The following CTNNA2 variants were observed in gnomAD, a reference collection of about 807,000 sequenced individuals.
CTNNA2 encodes the protein catenin alpha-2.
In CTNNA2, 42 loss-of-function variants were observed where a neutral mutation model predicts 101.0. The observed-to-expected ratio is 0.42, with a 90% CI of 0.32 to 0.54. CTNNA2 has a LOEUF of 0.54. CTNNA2 is among the 20% of genes least tolerant of loss of function. CTNNA2 has a pLI of 0.14. For synonymous variants in CTNNA2, 450 were observed against 456.4 expected (o/e 0.99, Z 0.18); for missense variants, 871 against 1,223.1 (o/e 0.71, Z 4.29).
At chr2:79,826,990 A>G (rs1054473223) in intron 3 of CTNNA2, among the ~76,000 whole-genome samples, 3 of 152,134 alleles carry the variant, frequency 2.0e-5, no homozygotes, top group Non-Finnish European at 4.4e-5. Context: ...TTTTTCAAGG[A>G]AATTATATTT....
intron 2 of CTNNA2, among the ~76,000 whole-genome samples, chr2:79,231,279 C>T (rs1232052372): frequency 3.9e-5 from 6 of 152,112 alleles, no homozygotes; most frequent in African/African-American, 7.2e-5. Context: ...ATCATGGAGG[C>T]GGGTCCTTCC....
In CTNNA2 at chr2:80,410,018, T is replaced by C. The variant is rs1190405773; in HGVS notation, c.1138-9431T>C. On this transcript the variant is annotated intron_variant, in intron 8 of 18. Coordinates refer to ENST00000402739, the MANE Select transcript of CTNNA2 (RefSeq NM_001282597.3). Reference sequence around the variant, plus strand: ...GAGGCACACAGCCTTCAAAGTCTTATGCAAGTGTGAGCTTCTGCAAAACTA... The same window carrying C: ...GAGGCACACAGCCTTCAAAGTCTTACGCAAGTGTGAGCTTCTGCAAAACTA... Among the ~76,000 whole-genome samples the C allele has an allele frequency of 3.9e-5, 6 of 152,250 alleles. No homozygotes were observed. The East Asian group carries it at 1.2e-3, about 29-fold the overall frequency.
Position 80,647,659 on chromosome 2 carries a change from C to G in CTNNA2, c.2649C>G (p.Ser883=), listed in dbSNP as rs752376553. The G allele has an allele frequency of 6.2e-7, 1 of 1,613,242 alleles. No homozygotes were observed. The highest frequency in any genetic ancestry group is 1.7e-5 in the Admixed American group (1 of 59,968). ...MNAVVLTVKA[S]YVASTKYQKV... is the part of the protein sequence containing the mutation. ...CTGTTGTCCTCACGGTGAAAGCATC[C>G]TATGTGGCCTCAACCAAATACCAGA... The change falls in exon 19 of 19, where the codon TCC becomes TCG. Residue 883 remains serine, a synonymous_variant. Coordinates refer to ENST00000402739, the MANE Select transcript of CTNNA2 (RefSeq NM_001282597.3).
intron 2 of CTNNA2, among the ~76,000 whole-genome samples, chr2:79,659,963 A>T (rs1228696861): frequency 2.0e-5 from 3 of 152,206 alleles, no homozygotes; most frequent in Admixed American, 6.5e-5. Context: ...AGTGCACTCC[A>T]GCCTGAGCAA....
chr2:80,611,610 G>C (rs530173571), intron 17 of CTNNA2, among the ~76,000 whole-genome samples: 1 of 151,618 alleles, frequency 6.6e-6, no homozygotes, highest in South Asian at 2.1e-4. Context: ...CACCTTTAAA[G>C]TTAAAAATGG....
chr2:80,526,000 T>A lies in CTNNA2; in HGVS notation c.1291-18982T>A, dbSNP rs528282155. Among the ~76,000 whole-genome samples, 4 of 152,334 alleles carry A rather than the reference T, an allele frequency of 2.6e-5. No homozygotes were observed. In the South Asian group the frequency reaches 8.3e-4, roughly 32 times the overall value. Reference sequence around the variant, plus strand: ...AACCACAGTTACTTTTGCACCAACCTAATACTCTCTTAGCTTCTGGTTATT... The same window carrying A: ...AACCACAGTTACTTTTGCACCAACCAAATACTCTCTTAGCTTCTGGTTATT... On this transcript the variant is annotated intron_variant, in intron 9 of 18. Coordinates refer to ENST00000402739, the MANE Select transcript of CTNNA2 (RefSeq NM_001282597.3).
At chr2:79,443,691 T>C (rs984353254) in intron 4 of CTNNA2, among the ~76,000 whole-genome samples, 11 of 152,036 alleles carry the variant, frequency 7.2e-5, no homozygotes, top group African/African-American at 2.4e-4. Flanking sequence ...AGACTTATAA[T>C]ACATTTTAAG....
chr2:80,110,915 T>G, intron 7 of CTNNA2, among the ~76,000 whole-genome samples: 1 of 152,180 alleles, frequency 6.6e-6, no homozygotes, highest in East Asian at 1.9e-4. Flanking sequence ...AGGTAATTTA[T>G]AAAGGAAAGA....
At chr2:80,591,030 A>C (rs551563425) in intron 15 of CTNNA2, among the ~76,000 whole-genome samples, 2 of 152,304 alleles carry the variant, frequency 1.3e-5, no homozygotes, top group South Asian at 4.1e-4. Context: ...CACTTGAACA[A>C]ATAATCTCAG....
At chr2:79,425,628 C>A (rs1678584434) in intron 4 of CTNNA2, among the ~76,000 whole-genome samples, 1 of 152,108 alleles carries the variant, frequency 6.6e-6, no homozygotes, top group Admixed American at 6.6e-5. Flanking sequence ...GGCCTAATCA[C>A]TTCTTAAAAG....
chr2:79,330,932 A>G (rs1015057708), intron 3 of CTNNA2, among the ~76,000 whole-genome samples: 3 of 152,196 alleles, frequency 2.0e-5, no homozygotes, highest in African/African-American at 7.2e-5. Flanking sequence ...ACAATTATGG[A>G]GCCATGGGCT....
At chr2:79,417,849 G>T (rs1678499811) in intron 4 of CTNNA2, among the ~76,000 whole-genome samples, 1 of 152,102 alleles carries the variant, frequency 6.6e-6, no homozygotes, top group Non-Finnish European at 1.5e-5. Flanking sequence ...CCACCTAACA[G>T]GTTCTTCCTG....
chr2:79,848,380 T>A (rs953011853), intron 3 of CTNNA2, among the ~76,000 whole-genome samples: 2 of 152,206 alleles, frequency 1.3e-5, no homozygotes, highest in East Asian at 3.8e-4. Context: ...TAATTTATGG[T>A]CTTCTCTTGC....
At chr2:79,545,113 TACTC>T (rs1673652346) in intron 1 of CTNNA2, among the ~76,000 whole-genome samples, 1 of 152,206 alleles carries the variant, frequency 6.6e-6, no homozygotes, top group Admixed American at 6.5e-5. Flanking sequence ...TCAGCCCCCT[TACTC>T]ACTCTCACAT....
chr2:80,609,108 G>A (rs1698254672), intron 17 of CTNNA2, among the ~76,000 whole-genome samples: 1 of 151,726 alleles, frequency 6.6e-6, no homozygotes, highest in African/African-American at 2.4e-5. Flanking sequence ...GTCCAGAAAT[G>A]TGGCTCTGAC....
intron 2 of CTNNA2, among the ~76,000 whole-genome samples, chr2:79,221,918 G>A (rs1674350185): frequency 6.6e-6 from 1 of 152,150 alleles, no homozygotes; most frequent in Admixed American, 6.5e-5. Flanking sequence ...TCTCAGAAGT[G>A]TAGAGGGTAT....
At chr2:79,621,661 G>A (rs1679005244) in intron 1 of CTNNA2, among the ~76,000 whole-genome samples, 1 of 152,188 alleles carries the variant, frequency 6.6e-6, no homozygotes, top group South Asian at 2.1e-4. Context: ...AATTATTTAT[G>A]TAGCATAACT....
intron 7 of CTNNA2, among the ~76,000 whole-genome samples, chr2:80,036,846 T>TGAGA (rs750914944): frequency 2.7e-5 from 3 of 109,152 alleles, no homozygotes; most frequent in African/African-American, 1.0e-4. Flanking sequence ...TGTGTGTGTG[T>TGAGA]GTGAGAGAGA....
rs112320868 is a variant in CTNNA2, at chr2:80,348,348, C to T, written c.1057-44863C>T. Among the ~76,000 whole-genome samples the T allele has an allele frequency of 4.6e-3, 700 of 152,108 alleles. 1 individual carries two copies. The highest frequency in any genetic ancestry group is 0.014 in the African/African-American group (576 of 41,490). ...GATTTGCTTAATTGAATTTCATTTCCGAATATGTTTTCAGAGGGAAGGTTA... is the reference window on the plus strand; with the variant it reads ...GATTTGCTTAATTGAATTTCATTTCTGAATATGTTTTCAGAGGGAAGGTTA... On this transcript the variant is annotated intron_variant, in intron 7 of 18. Transcript: ENST00000402739.
Sources: gnomAD v4.1 joint callset for allele counts (sites outside exome capture counted in the v4.1 genomes callset) on GRCh38, gnomAD v4.1.1 for gene constraint, MANE v1.5 for transcripts, NCBI Gene and HGNC (gene_info 2026-07-23, HGNC 2026-07-21) for gene names.